Variants in LRBA observed in about 807,000 individuals in gnomAD.
LRBA encodes LPS responsive beige-like anchor protein, also known as lipopolysaccharide-responsive and beige-like anchor protein.
A neutral mutation model predicts 330.0 loss-of-function variants in LRBA; 176 were observed. The observed-to-expected ratio is 0.53, with a 90% CI of 0.47 to 0.60. LRBA has a LOEUF of 0.60. Ranked by LOEUF, LRBA falls within the 20% of genes least tolerant of loss-of-function variation. The pLI is 0.00. For synonymous variants in LRBA, 1,230 were observed against 1,193.0 expected (o/e 1.03, Z -0.64); for missense variants, 3,259 against 3,444.8 (o/e 0.95, Z 1.35).
At chr4:150,597,759 A>G (rs1021715258) in intron 38 of LRBA, among the ~76,000 whole-genome samples, 2 of 152,160 alleles carry the variant, frequency 1.3e-5, no homozygotes, top group African/African-American at 4.8e-5. Flanking sequence ...ATCTGTTATC[A>G]CCACCTAAAA....
intron 2 of LRBA, among the ~76,000 whole-genome samples, chr4:150,953,159 T>C (rs188877883): frequency 6.6e-6 from 1 of 152,200 alleles, no homozygotes; most frequent in Non-Finnish European, 1.5e-5. Context: ...GCTAACTAAA[T>C]TAAAATTAGG....
chr4:150,859,969 A>T (rs995454604), intron 22 of LRBA, among the ~76,000 whole-genome samples: 5 of 152,184 alleles, frequency 3.3e-5, no homozygotes, highest in African/African-American at 1.2e-4. Flanking sequence ...ATTCCAGTGG[A>T]ATTTTTAATA....
intron 17 of LRBA, among the ~76,000 whole-genome samples, chr4:150,890,529 T>C (rs187483749): frequency 2.4e-4 from 36 of 152,154 alleles, no homozygotes; most frequent in Admixed American, 7.2e-4. Context: ...CTGAAGAGCA[T>C]TGGAAAGGGC....
chr4:150,750,308 T>C (rs113357797), intron 35 of LRBA, among the ~76,000 whole-genome samples: 1 of 152,280 alleles, frequency 6.6e-6, no homozygotes, highest in African/African-American at 2.4e-5. Context: ...GGCACATGGA[T>C]TATAATCAAT....
At chr4:150,467,836 A>AT (rs1561219207) in intron 43 of LRBA, 51 bp from the exon 44 acceptor site, 1 of 836,228 alleles carries the variant, frequency 1.2e-6, no homozygotes, top group Admixed American at 2.3e-5. Context: ...AGTGAAATAA[A>AT]CAGATTCAGT....
intron 35 of LRBA, among the ~76,000 whole-genome samples, chr4:150,739,776 C>T (rs1235693404): frequency 2.0e-5 from 3 of 152,196 alleles, no homozygotes; most frequent in African/African-American, 7.2e-5. Flanking sequence ...CCCCAGACAA[C>T]AGCCCGCAAA....
At chr4:150,967,377 G>A (rs1380264055) in intron 2 of LRBA, among the ~76,000 whole-genome samples, 1 of 152,212 alleles carries the variant, frequency 6.6e-6, no homozygotes, top group Non-Finnish European at 1.5e-5. Context: ...ATTATATCCA[G>A]AAGGAGTTTT....
At chr4:150,921,977 C>T (rs564505535) in intron 4 of LRBA, among the ~76,000 whole-genome samples, 1 of 152,264 alleles carries the variant, frequency 6.6e-6, no homozygotes, top group South Asian at 2.1e-4. Context: ...CCTGCCTGGG[C>T]CTCCCAAAGT....
intron 47 of LRBA, among the ~76,000 whole-genome samples, chr4:150,374,338 T>G (rs1740907611): frequency 6.6e-6 from 1 of 152,322 alleles, no homozygotes; most frequent in East Asian, 1.9e-4. Flanking sequence ...TAATGAGATA[T>G]AAACAGAAGT....
chr4:150,504,983 C>T (rs1432154251), intron 40 of LRBA, among the ~76,000 whole-genome samples: 1 of 152,094 alleles, frequency 6.6e-6, no homozygotes, highest in African/African-American at 2.4e-5. Flanking sequence ...CAAAGAAGGC[C>T]ATTACATAAT....
chr4:150,623,488 A>G (rs1306272382), intron 37 of LRBA, among the ~76,000 whole-genome samples: 1 of 152,162 alleles, frequency 6.6e-6, no homozygotes, highest in Non-Finnish European at 1.5e-5. Context: ...ATAAAATAGC[A>G]TTGAATATAA....
At chr4:150,831,243 A>G (rs895161285) in intron 29 of LRBA, among the ~76,000 whole-genome samples, 8 of 150,510 alleles carry the variant, frequency 5.3e-5, no homozygotes, top group African/African-American at 9.8e-5. Flanking sequence ...CTAAAATACT[A>G]CACAATCTAC....
At chr4:150,693,963 C>T (rs1364883812) in intron 36 of LRBA, among the ~76,000 whole-genome samples, 2 of 151,972 alleles carry the variant, frequency 1.3e-5, no homozygotes, top group Non-Finnish European at 2.9e-5. Flanking sequence ...ATGTTTAATG[C>T]TAATTAAACA....
chr4:151,011,441 T>TA (rs757463206), intron 2 of LRBA, among the ~76,000 whole-genome samples: 263 of 151,204 alleles, frequency 1.7e-3, no homozygotes, highest in Middle Eastern at 3.4e-3. Flanking sequence ...CTACCAAAAA[T>TA]ACAAAAATTA....
chr4:150,870,209 C>T (rs186283318), intron 20 of LRBA, among the ~76,000 whole-genome samples: 1 of 152,028 alleles, frequency 6.6e-6, no homozygotes, highest in Non-Finnish European at 1.5e-5. Context: ...TAAAACTACC[C>T]CAATGGTTCT....
At chr4:150,451,916 C>T (rs905141809) in intron 44 of LRBA, among the ~76,000 whole-genome samples, 2 of 152,096 alleles carry the variant, frequency 1.3e-5, no homozygotes, top group African/African-American at 4.8e-5. Context: ...GTTAAGGAAA[C>T]TGAATTCAAA....
chr4:150,420,065 G>C (rs113547229), intron 46 of LRBA, among the ~76,000 whole-genome samples: 22,355 of 150,200 alleles, frequency 0.15, 1,692 homozygotes, highest in Middle Eastern at 0.18. Flanking sequence ...GGCAAGACCC[G>C]TCTCTACAAA....
chr4:150,327,112 A>C (rs926492976), intron 48 of LRBA, among the ~76,000 whole-genome samples: 1 of 152,200 alleles, frequency 6.6e-6, no homozygotes, highest in Non-Finnish European at 1.5e-5. Context: ...GACTTAGTTT[A>C]TGAATGAGAA....
At chr4:150,791,972 T>C (rs1205087085) in intron 34 of LRBA, among the ~76,000 whole-genome samples, 1 of 127,082 alleles carries the variant, frequency 7.9e-6, no homozygotes, top group African/African-American at 3.1e-5. Flanking sequence ...GAGGTTGCAG[T>C]GAGCAGAAAT....
Sources: gnomAD v4.1 joint callset for allele counts (sites outside exome capture counted in the v4.1 genomes callset) on GRCh38, gnomAD v4.1.1 for gene constraint, MANE v1.5 for transcripts, NCBI Gene and HGNC (gene_info 2026-07-23, HGNC 2026-07-21) for gene names.